Variants in NTM observed in about 807,000 individuals in gnomAD.
NTM encodes IgLON family member 2.
In NTM, 13 loss-of-function variants were observed where a neutral mutation model predicts 42.1. The observed-to-expected ratio is 0.31, with a 90% CI of 0.20 to 0.49. The LOEUF (loss-of-function observed/expected upper bound fraction) is 0.49, where lower values mean the gene tolerates loss of function less well. Ranked by LOEUF, NTM falls within the 20% of genes least tolerant of loss-of-function variation. NTM has a pLI of 0.99. For synonymous variants in NTM, 187 were observed against 179.2 expected, an observed-to-expected ratio of 1.04 and a Z score of -0.35; for missense variants, 373 against 452.8, an observed-to-expected ratio of 0.82 and a Z score of 1.60.
intron 2 of NTM, among the ~76,000 whole-genome samples, chr11:132,104,113 A>G (rs902454031): frequency 5.3e-5 from 8 of 152,168 alleles, no homozygotes; most frequent in Admixed American, 3.3e-4. Context: ...TGTGCAAGGC[A>G]CAACTCCTGG....
intron 2 of NTM, among the ~76,000 whole-genome samples, chr11:131,939,808 C>G (rs2059610304): frequency 6.6e-6 from 1 of 152,012 alleles, no homozygotes; most frequent in Middle Eastern, 3.2e-3. Flanking sequence ...CTTTTACCCC[C>G]TTGAATGATG....
chr11:132,178,183 C>T (rs1263456239), intron 3 of NTM, among the ~76,000 whole-genome samples: 1 of 152,210 alleles, frequency 6.6e-6, no homozygotes, highest in East Asian at 1.9e-4. Context: ...TCCGCAGGAT[C>T]TCATCTCTTG....
At chr11:131,807,743 C>T (rs2136283889) in intron 1 of NTM, among the ~76,000 whole-genome samples, 1 of 152,216 alleles carries the variant, frequency 6.6e-6, no homozygotes, top group South Asian at 2.1e-4. Context: ...TCTTTGGCAC[C>T]TGTTAGGCAT....
intron 1 of NTM, among the ~76,000 whole-genome samples, chr11:131,664,854 G>A (rs1362996318): frequency 2.0e-5 from 3 of 148,282 alleles, no homozygotes; most frequent in African/African-American, 7.5e-5. Flanking sequence ...TTTAATGACA[G>A]ACAGAATAAA....
At chr11:131,911,348 C>T (rs2054914749) in intron 1 of NTM, 2 of 1,513,568 alleles carry the variant, frequency 1.3e-6, no homozygotes, top group Non-Finnish European at 1.8e-6. Context: ...TTTTCTCCTC[C>T]CCGCGCCTCC....
At chr11:131,749,232 C>T (rs1256837292) in intron 1 of NTM, among the ~76,000 whole-genome samples, 1 of 152,246 alleles carries the variant, frequency 6.6e-6, no homozygotes, top group Non-Finnish European at 1.5e-5. Context: ...GGGTTTCAAC[C>T]CTGGCTTAGC....
At chr11:132,152,727 G>A (rs2072227528) in intron 3 of NTM, among the ~76,000 whole-genome samples, 2 of 152,180 alleles carry the variant, frequency 1.3e-5, no homozygotes, top group Admixed American at 1.3e-4. Context: ...GACAAAAATT[G>A]ACAGAAAGGC....
chr11:131,804,249 C>A (rs2136252459), intron 1 of NTM, among the ~76,000 whole-genome samples: 1 of 152,312 alleles, frequency 6.6e-6, no homozygotes, highest in East Asian at 1.9e-4. Context: ...ACAACTCTGA[C>A]CCTCACACTT....
chr11:132,098,461 C>T (rs1054810586), intron 2 of NTM, among the ~76,000 whole-genome samples: 5 of 152,236 alleles, frequency 3.3e-5, no homozygotes, highest in Non-Finnish European at 5.9e-5. Context: ...AAGAAGGCCA[C>T]CTCTGTGCAT....
At chr11:131,703,498 C>T (rs143122863) in intron 1 of NTM, among the ~76,000 whole-genome samples, 256 of 152,266 alleles carry the variant, frequency 1.7e-3, no homozygotes, top group African/African-American at 6.0e-3. Flanking sequence ...GCATTAAGAT[C>T]AAATCTCTCT....
chr11:131,762,374 A>C (rs2084349249), intron 1 of NTM, among the ~76,000 whole-genome samples: 2 of 152,222 alleles, frequency 1.3e-5, no homozygotes, highest in African/African-American at 2.4e-5. Flanking sequence ...ACAGGATTAA[A>C]GTTGGGATAC....
chr11:131,686,783 C>CATTTCCTTTG (rs1390058747), intron 1 of NTM, among the ~76,000 whole-genome samples: 1 of 152,180 alleles, frequency 6.6e-6, no homozygotes, highest in East Asian at 1.9e-4. Context: ...GGAATGGGGT[C>CATTTCCTTTG]ATTTCCTTTG....
At chr11:131,881,070 T>C (rs976381474) in intron 1 of NTM, among the ~76,000 whole-genome samples, 1 of 152,184 alleles carries the variant, frequency 6.6e-6, no homozygotes, top group Non-Finnish European at 1.5e-5. Context: ...GGAATCAGTG[T>C]ATTCCCCCAT....
At chr11:132,315,033 T>A in intron 7 of NTM, 1 of 1,094,324 alleles carries the variant, frequency 9.1e-7, no homozygotes, top group Non-Finnish European at 1.1e-6. Context: ...ATGGAAAAGA[T>A]CCCGAGATAG....
rs114643522 is a variant in NTM, at chr11:131,450,707, G to A, written c.82+79819G>A. Among the ~76,000 whole-genome samples, 13 of 152,264 alleles carry A rather than the reference G, an allele frequency of 8.5e-5. No individual in the cohort carries two copies. In the South Asian group the frequency reaches 1.0e-3, roughly 12 times the overall value. On this transcript the variant is annotated intron_variant, in intron 1 of 8. Transcript: ENST00000683400. ...ATTTTAGTTTTTAACACAGCACTTCGTATAATAGATCAGTGGTTCTTAATA... is the reference window on the plus strand; with the variant it reads ...ATTTTAGTTTTTAACACAGCACTTCATATAATAGATCAGTGGTTCTTAATA...
At chr11:131,416,947 A>G (rs1431767279) in intron 1 of NTM, among the ~76,000 whole-genome samples, 1 of 152,208 alleles carries the variant, frequency 6.6e-6, no homozygotes, top group Non-Finnish European at 1.5e-5. Flanking sequence ...TCCAGTCTCA[A>G]TTCAATTTCA....
intron 1 of NTM, chr11:131,671,723 C>T (rs528144474): frequency 6.9e-5 from 37 of 539,426 alleles, no homozygotes; most frequent in East Asian, 1.5e-4. Flanking sequence ...AAGCGCCCAT[C>T]GACAGTGGTC....
chr11:131,428,880 C>CAAAAAAAAAAAA (rs35312475), intron 1 of NTM, among the ~76,000 whole-genome samples: 15 of 83,922 alleles, frequency 1.8e-4, no homozygotes, highest in Admixed American at 4.5e-4. Flanking sequence ...ACTAAAAATA[C>CAAAAAAAAAAAA]AAAAAAAAAA....
chr11:131,900,360 C>T (rs2052966952), intron 1 of NTM, among the ~76,000 whole-genome samples: 1 of 152,212 alleles, frequency 6.6e-6, no homozygotes, highest in Non-Finnish European at 1.5e-5. Context: ...GGCTCAGAAA[C>T]CACAGGAAGG....
Sources: gnomAD v4.1 joint callset for allele counts (sites outside exome capture counted in the v4.1 genomes callset) on GRCh38, gnomAD v4.1.1 for gene constraint, MANE v1.5 for transcripts, NCBI Gene and HGNC (gene_info 2026-07-23, HGNC 2026-07-21) for gene names.